The following IL2RB variants were observed in gnomAD, a reference collection of about 807,000 sequenced individuals.
The protein encoded by IL2RB is interleukin-2 receptor subunit beta.
IL2RB carries 17 observed loss-of-function variants against 44.2 expected under a neutral mutation model. The observed-to-expected ratio is 0.38, with a 90% CI of 0.26 to 0.58. The LOEUF is 0.58. IL2RB is among the 20% of genes least tolerant of loss of function. The probability of loss-of-function intolerance (pLI) is 0.63; values close to 1 mark genes in which losing one functional copy is unlikely to be tolerated. For missense variants in IL2RB, 624 were observed against 685.5 expected (o/e 0.91, Z 1.00); for synonymous variants, 286 against 297.9 (o/e 0.96, Z 0.41).
intron 1 of IL2RB, among the ~76,000 whole-genome samples, chr22:37,166,308 C>A (rs553092419): frequency 1.3e-5 from 2 of 152,240 alleles, no homozygotes; most frequent in African/African-American, 4.8e-5. Flanking sequence ...AAAACTGGCA[C>A]ATCCACACAC....
intron 2 of IL2RB, 75 bp from the exon 3 acceptor site, chr22:37,143,710 C>T (rs1601603187): frequency 1.2e-5 from 12 of 1,025,446 alleles, no homozygotes; most frequent in Non-Finnish European, 1.7e-5. Flanking sequence ...ACTGCCCCTG[C>T]ACCTGGCACC....
intron 9 of IL2RB, among the ~76,000 whole-genome samples, chr22:37,129,698 A>C (rs774744556): frequency 2.0e-5 from 3 of 152,216 alleles, no homozygotes; most frequent in Non-Finnish European, 4.4e-5. Context: ...CCAAGGAGAC[A>C]TCAGGTAAGC....
At chr22:37,142,725 G>C (rs1396742228) in intron 3 of IL2RB, 2 of 704,052 alleles carry the variant, frequency 2.8e-6, no homozygotes, top group Admixed American at 4.1e-5. Context: ...CCTCATCCCA[G>C]CCTGGTCCCA....
At chr22:37,174,078 G>T (rs1456714964) in intron 1 of IL2RB, among the ~76,000 whole-genome samples, 2 of 152,316 alleles carry the variant, frequency 1.3e-5, no homozygotes, top group African/African-American at 2.4e-5. Context: ...GCCCCTCAGG[G>T]TTCAGGGGTA....
rs185281644 is a variant in IL2RB, at chr22:37,135,076, G to A, written c.818+252C>T. On this transcript the variant is annotated intron_variant, in intron 8 of 9. Transcript: ENST00000216223. ...CTTCCCCTCGGGTTGGTTCCACAGG[G>A]CCCCCCTGTGGGGATGCGACACAGG... is the stretch of plus-strand genomic sequence containing the variant. 5.9e-5 allele frequency among the ~76,000 whole-genome samples: 9 copies of A among 152,204 alleles called. No individual in the cohort carries two copies. The East Asian group carries it at 1.7e-3, about 30-fold the overall frequency.
chr22:37,133,687 G>C (rs577474340), intron 8 of IL2RB, among the ~76,000 whole-genome samples: 1 of 152,220 alleles, frequency 6.6e-6, no homozygotes, highest in African/African-American at 2.4e-5. Flanking sequence ...TACAGAGGGC[G>C]AAGTGGATCC....
intron 1 of IL2RB, chr22:37,166,792 C>G (rs538726239): frequency 6.6e-6 from 1 of 152,170 alleles, no homozygotes; most frequent in Non-Finnish European, 1.5e-5. Context: ...CACGCTGGAC[C>G]GTGTCTGCTG....
upstream of IL2RB, chr22:37,150,012 G>C (rs1265074009): frequency 7.7e-6 from 5 of 652,808 alleles, no homozygotes; most frequent in East Asian, 6.9e-4. Flanking sequence ...GCGGGGAGAC[G>C]AGGCTTATGA....
At chr22:37,143,212 T>A (rs1456640188) in intron 3 of IL2RB, among the ~76,000 whole-genome samples, 1 of 151,856 alleles carries the variant, frequency 6.6e-6, no homozygotes, top group East Asian at 1.9e-4. Context: ...GCCTCTAGAG[T>A]GGAGTCCAGC....
rs147889445 is a variant in IL2RB, at chr22:37,143,626, T to C, written c.98A>G (p.Gln33Arg). 22 of 1,613,142 alleles carry C rather than the reference T, an allele frequency of 1.4e-5. No individual in the cohort carries two copies. Among genetic ancestry groups the C allele is most frequent in the Middle Eastern group, 1.7e-4 (1 of 6,060 alleles). Residue 33 changes from glutamine (Q) to arginine (R), a missense_variant, in exon 3 of 10, where the codon CAG becomes CGG. Physicochemically the swap from Gln to Arg is conservative, Grantham distance 43 (BLOSUM62 1). Coordinates refer to ENST00000216223, the MANE Select transcript of IL2RB (RefSeq NM_000878.5). ...WASAAVNGTSQFTCFYNSRAN... is the reference protein window; with the variant it reads ...WASAAVNGTSRFTCFYNSRAN... ...TCTCGAGTTGTAGAAGCATGTGAAC[T>C]GGGAAGTGCCTGCCGGGCAAGATGA...
intron 1 of IL2RB, among the ~76,000 whole-genome samples, chr22:37,158,067 T>A (rs538320305): frequency 1.3e-5 from 2 of 152,084 alleles, no homozygotes; most frequent in African/African-American, 4.8e-5. Flanking sequence ...TACCAACATC[T>A]CTGACACATG....
intron 1 of IL2RB, 124 bp downstream of exon 1, chr22:37,149,701 G>T: frequency 3.3e-6 from 1 of 301,052 alleles, no homozygotes; most frequent in Non-Finnish European, 4.9e-6. Context: ...CAAAGTTGGG[G>T]GATGGGAGTT....
At chr22:37,130,360 T>C (rs1036790401) in intron 9 of IL2RB, among the ~76,000 whole-genome samples, 4 of 152,192 alleles carry the variant, frequency 2.6e-5, no homozygotes, top group Non-Finnish European at 4.4e-5. Flanking sequence ...CCTGAGCCTC[T>C]GCCCACAATG....
chr22:37,168,761 C>G, intron 1 of IL2RB, among the ~76,000 whole-genome samples: 1 of 152,210 alleles, frequency 6.6e-6, no homozygotes, highest in East Asian at 1.9e-4. Flanking sequence ...AGCCAAGGCA[C>G]AGACTAGGTG....
intron 6 of IL2RB, among the ~76,000 whole-genome samples, chr22:37,137,334 C>A (rs968174471): frequency 7.2e-5 from 11 of 152,232 alleles, no homozygotes; most frequent in African/African-American, 2.7e-4. Flanking sequence ...AGCTGCCTAT[C>A]TCCTGGCTTT....
chr22:37,154,077 G>T (rs867717616), upstream of IL2RB, among the ~76,000 whole-genome samples: 1 of 152,206 alleles, frequency 6.6e-6, no homozygotes, highest in South Asian at 2.1e-4. Flanking sequence ...GCCCAGGCCA[G>T]CGGGGTAGGA....
intron 1 of IL2RB, among the ~76,000 whole-genome samples, chr22:37,162,186 CGAGT>C (rs1922903955): frequency 6.6e-6 from 1 of 152,158 alleles, no homozygotes; most frequent in South Asian, 2.1e-4. Flanking sequence ...TGATGGCGAT[CGAGT>C]GAGAGGGCAG....
chr22:37,131,943 T>G (rs1921452293), intron 9 of IL2RB, among the ~76,000 whole-genome samples: 3 of 151,854 alleles, frequency 2.0e-5, no homozygotes, highest in Admixed American at 2.0e-4. Context: ...ACCATGTTGG[T>G]CAGGCTGGTC....
At chr22:37,136,609 CCTGGTTCCACCTCCAT>C (rs1327648455) in intron 6 of IL2RB, among the ~76,000 whole-genome samples, 3 of 152,034 alleles carry the variant, frequency 2.0e-5, no homozygotes, top group Non-Finnish European at 2.9e-5. Context: ...ACCTCCAGAA[CCTGGTTCCACCTCCAT>C]AGCCATTCCA....
Sources: gnomAD v4.1 joint callset for allele counts (sites outside exome capture counted in the v4.1 genomes callset) on GRCh38, gnomAD v4.1.1 for gene constraint, MANE v1.5 for transcripts, NCBI Gene and HGNC (gene_info 2026-07-23, HGNC 2026-07-21) for gene names.